The following TSC22D1 variants were observed in gnomAD, a reference collection of about 807,000 sequenced individuals.
TSC22D1 encodes TSC22 domain family member 1.
A neutral mutation model predicts 74.2 loss-of-function variants in TSC22D1; 9 were observed. That is an observed-to-expected ratio of 0.12 (90% CI 0.07 to 0.21). The LOEUF is 0.21. Ranked by LOEUF, TSC22D1 falls within the 10% of genes least tolerant of loss-of-function variation. The probability of loss-of-function intolerance (pLI) is 1.00; values close to 1 mark genes in which losing one functional copy is unlikely to be tolerated. For missense variants in TSC22D1, 1,427 were observed against 1,304.7 expected (o/e 1.09, Z -1.44); for synonymous variants, 586 against 492.5 (o/e 1.19, Z -2.51).
Position 44,434,090 on chromosome 13 carries a change from A to T in TSC22D1, c.*536T>A. On this transcript the variant is annotated 3_prime_UTR_variant, in exon 3 of 3. Coordinates refer to ENST00000458659, the MANE Select transcript of TSC22D1 (RefSeq NM_183422.4). Reference sequence around the variant, plus strand: ...ATCCATTGTTTGAGAAGAAAGAGGCACAGTACTATTGTTTTTTATGAATTT... The same window carrying T: ...ATCCATTGTTTGAGAAGAAAGAGGCTCAGTACTATTGTTTTTTATGAATTT... 1 of 1,521,178 alleles carries T rather than the reference A, an allele frequency of 6.6e-7. No homozygotes were observed. Among genetic ancestry groups the T allele is most frequent in the Non-Finnish European group, 8.7e-7 (1 of 1,143,462 alleles). 94.2% of individuals were successfully genotyped at this position (1,521,178 alleles called of 1,614,324 possible). A position where few individuals can be genotyped will look rare whatever the true frequency, so the allele number is the denominator to read the frequency against.
intron 1 of TSC22D1, among the ~76,000 whole-genome samples, chr13:44,543,480 C>G (rs1042116955): frequency 2.7e-4 from 41 of 152,098 alleles, no homozygotes; most frequent in African/African-American, 9.4e-4. Context: ...TATTCTTTAC[C>G]TATTATCACC....
Position 44,574,294 on chromosome 13 carries a change from T to C in TSC22D1, c.1781A>G (p.Gln594Arg), listed in dbSNP as rs775347241. ...TTGAGCCAAACTGGAAATGGAAGGCTGCTGACCTAAAGCTGAAGTTACACC... is the reference window on the plus strand; with the variant it reads ...TTGAGCCAAACTGGAAATGGAAGGCCGCTGACCTAAAGCTGAAGTTACACC... Reference protein sequence around the residue: ...VVGVTSALGQQPSISSLAQPQ... With the variant: ...VVGVTSALGQRPSISSLAQPQ... The change falls in exon 1 of 3, where the codon CAG becomes CGG. Residue 594 changes from glutamine (Q) to arginine (R), a missense_variant. By Grantham distance (43) the Gln-to-Arg change is conservative. This residue lies in a region of TSC22D1 where 1,343 missense variants were observed against 1,191.5 expected (regional missense o/e 1.13). Coordinates refer to ENST00000458659, the MANE Select transcript of TSC22D1 (RefSeq NM_183422.4). 6.2e-7 allele frequency: 1 copy of C among 1,614,238 alleles called. No individual in the cohort carries two copies. Among genetic ancestry groups the C allele is most frequent in the Admixed American group, 1.7e-5 (1 of 60,028 alleles).
intron 1 of TSC22D1, chr13:44,539,743 A>C: frequency 2.4e-6 from 3 of 1,255,008 alleles, no homozygotes; most frequent in Non-Finnish European, 2.1e-6. Context: ...AAATTAACCC[A>C]AGTAAATAAT....
chr13:44,535,829 T>C (rs1254670770), intron 1 of TSC22D1, among the ~76,000 whole-genome samples: 2 of 151,962 alleles, frequency 1.3e-5, no homozygotes, highest in African/African-American at 2.4e-5. Flanking sequence ...GGAGAGTCTA[T>C]GTTTTAAAAA....
intron 1 of TSC22D1, among the ~76,000 whole-genome samples, chr13:44,567,690 T>C (rs1015502222): frequency 1.1e-4 from 16 of 151,810 alleles, no homozygotes; most frequent in African/African-American, 3.9e-4. Flanking sequence ...GAAAAGTAGT[T>C]GAGAAAACAC....
chr13:44,522,942 C>A (rs974505962), intron 1 of TSC22D1, among the ~76,000 whole-genome samples: 7 of 151,160 alleles, frequency 4.6e-5, no homozygotes, highest in African/African-American at 1.7e-4. Flanking sequence ...GGACTGGTAT[C>A]TAAAATATAC....
At chr13:44,560,595 C>T (rs1655202016) in intron 1 of TSC22D1, among the ~76,000 whole-genome samples, 1 of 151,992 alleles carries the variant, frequency 6.6e-6, no homozygotes, top group Admixed American at 6.6e-5. Flanking sequence ...AACCTTGCTG[C>T]CCTAAAAGGT....
chr13:44,529,946 T>C (rs186284416), intron 1 of TSC22D1, among the ~76,000 whole-genome samples: 1 of 152,056 alleles, frequency 6.6e-6, no homozygotes, highest in Admixed American at 6.5e-5. Flanking sequence ...TGGAGAGATA[T>C]TCCATGTTTA....
At chr13:44,523,295 G>T (rs887332850) in intron 1 of TSC22D1, among the ~76,000 whole-genome samples, 1 of 152,134 alleles carries the variant, frequency 6.6e-6, no homozygotes, top group Non-Finnish European at 1.5e-5. Flanking sequence ...GCACACACAG[G>T]TATTTTCCCA....
chr13:44,497,656 C>A (rs1354114598), intron 1 of TSC22D1, among the ~76,000 whole-genome samples: 1 of 152,170 alleles, frequency 6.6e-6, no homozygotes, highest in African/African-American at 2.4e-5. Flanking sequence ...TTACACCCCA[C>A]CTGTCACTGA....
intron 1 of TSC22D1, among the ~76,000 whole-genome samples, chr13:44,564,710 C>T (rs1325884471): frequency 6.6e-6 from 1 of 152,068 alleles, no homozygotes; most frequent in Non-Finnish European, 1.5e-5. Context: ...GTTACCTGAA[C>T]AGATTTCCAT....
intron 1 of TSC22D1, among the ~76,000 whole-genome samples, chr13:44,452,331 G>A (rs749138827): frequency 1.3e-5 from 2 of 152,164 alleles, no homozygotes; most frequent in Non-Finnish European, 2.9e-5. Context: ...CTACTCTGAG[G>A]CGGTAGGTAC....
chr13:44,503,902 T>G (rs1317200074), intron 1 of TSC22D1, among the ~76,000 whole-genome samples: 1 of 152,022 alleles, frequency 6.6e-6, no homozygotes, highest in Non-Finnish European at 1.5e-5. Flanking sequence ...AAAAATATTT[T>G]AAATAAACTC....
In TSC22D1 at chr13:44,576,049, G is replaced by T; in HGVS notation, c.26C>A (p.Ala9Asp). 6.4e-7 allele frequency: 1 copy of T among 1,569,518 alleles called. No individual in the cohort carries two copies. The highest frequency in any genetic ancestry group is 8.6e-7 in the Non-Finnish European group (1 of 1,159,874). Residue 9 changes from alanine to aspartate, a missense_variant, in exon 1 of 3, where the codon GCC (alanine) becomes GAC (aspartate). By Grantham distance (126) the Ala-to-Asp change is moderately radical. Coordinates refer to ENST00000458659, the MANE Select transcript of TSC22D1 (RefSeq NM_183422.4). ...AATGTCTGCAGCGGCGGCGGCCGCG[G>T]CGGTGGACTCAGGCGGCTGGTGCAT... is the stretch of plus-strand genomic sequence containing the variant. The part of the protein sequence containing the change: MHQPPEST[A>D]AAAAAADISA...
chr13:44,575,576 C>T lies in TSC22D1; in HGVS notation c.499G>A (p.Glu167Lys). The stretch of plus-strand genomic sequence containing the variant: ...TCTTCTGAGGAGCTGCGTTCGGGCT[C>T]CCCTAAGTCAGTAGCCCTGGAAAGT... ...VSLSRATDLG[E>K]PERSSSEETL... Residue 167 changes from glutamate to lysine, a missense_variant, in exon 1 of 3, where the codon GAG (glutamate) becomes AAG (lysine). Glu to Lys is a moderately conservative substitution (Grantham distance 56, BLOSUM62 1). Around this residue, in one of 3 missense-constraint regions of TSC22D1, gnomAD observed 1,343 missense variants for 1,191.5 expected, o/e 1.13. Transcript: ENST00000458659. The T allele has an allele frequency of 6.2e-7, 1 of 1,613,976 alleles. No homozygotes were observed. Among genetic ancestry groups the T allele is most frequent in the Non-Finnish European group, 8.5e-7 (1 of 1,180,002 alleles).
chr13:44,434,604 A>C lies in TSC22D1; in HGVS notation c.*22T>G. The C allele has an allele frequency of 6.6e-7, 1 of 1,513,852 alleles. No homozygotes were observed. Among genetic ancestry groups the C allele is most frequent in the African/African-American group, 1.4e-5 (1 of 71,618 alleles). The allele number at this position is 1,513,852 out of a possible 1,614,324, so 93.8% of individuals were successfully genotyped here. A position where few individuals can be genotyped will look rare whatever the true frequency, so the allele number is the denominator to read the frequency against. On this transcript the variant is annotated 3_prime_UTR_variant, in exon 3 of 3. Transcript: ENST00000458659. ...TCTGTTCAGTTCACACGCAGCAGCCAGTTCTGCGGGGGCATAGGCAGCTAT... is the reference window on the plus strand; with the variant it reads ...TCTGTTCAGTTCACACGCAGCAGCCCGTTCTGCGGGGGCATAGGCAGCTAT...
intron 1 of TSC22D1, chr13:44,537,019 A>C: frequency 2.1e-6 from 2 of 969,110 alleles, no homozygotes; most frequent in Non-Finnish European, 1.2e-6. Flanking sequence ...AAAGACACAG[A>C]AAATTAAAAT....
chr13:44,502,001 A>G (rs1879242257), intron 1 of TSC22D1, among the ~76,000 whole-genome samples: 1 of 152,236 alleles, frequency 6.6e-6, no homozygotes, highest in African/African-American at 2.4e-5. Flanking sequence ...TACACATCTT[A>G]TCCTACATGG....
In TSC22D1 at chr13:44,573,674, G is replaced by A. The variant is rs1475762490; in HGVS notation, c.2401C>T (p.Pro801Ser). The change falls in exon 1 of 3, where the codon CCC becomes TCC. Residue 801 changes from proline to serine, a missense_variant. By Grantham distance (74) the Pro-to-Ser change is moderately conservative (BLOSUM62 -1). Transcript: ENST00000458659. Reference protein sequence around the residue: ...ASQSSLLTVPPQPQGVEPVAQ... With the variant: ...ASQSSLLTVPSQPQGVEPVAQ... The stretch of plus-strand genomic sequence containing the variant: ...ACTGGTTCTACTCCTTGTGGCTGGG[G>A]AGGCACAGTTAACAAGGAACTTTGG... 6.2e-7 allele frequency: 1 copy of A among 1,614,226 alleles called. No individual in the cohort carries two copies. The highest frequency in any genetic ancestry group is 2.2e-5 in the East Asian group (1 of 44,884).
Sources: allele counts gnomAD v4.1 joint callset (sites outside exome capture counted in the v4.1 genomes callset), GRCh38; gene constraint gnomAD v4.1.1; regional missense constraint gnomAD v4.1.1; transcripts MANE v1.5; gene names NCBI Gene and HGNC (gene_info 2026-07-23, HGNC 2026-07-21).